Variants in TSPAN33 observed in about 807,000 individuals in gnomAD.
The protein encoded by TSPAN33 is tetraspanin-33.
Under a neutral mutation model 34.8 loss-of-function variants are expected in TSPAN33, and 27 were observed. The observed-to-expected ratio is 0.78, with a 90% CI of 0.57 to 1.07. The LOEUF is 1.07. Ranked by LOEUF, TSPAN33 falls within the 50% of genes least tolerant of loss-of-function variation. The pLI is 0.00. For missense variants in TSPAN33, 272 were observed against 324.9 expected, an observed-to-expected ratio of 0.84 and a Z score of 1.25; for synonymous variants, 119 against 124.2, an observed-to-expected ratio of 0.96 and a Z score of 0.28.
intron 1 of TSPAN33, among the ~76,000 whole-genome samples, chr7:129,146,844 C>T (rs528438586): frequency 2.6e-5 from 4 of 152,238 alleles, no homozygotes; most frequent in South Asian, 2.1e-4. Flanking sequence ...CTTTATCTGC[C>T]GAGACTGTCT....
In TSPAN33 at chr7:129,159,344, C is replaced by T. The variant is rs192243009; in HGVS notation, c.103-2335C>T. On this transcript the variant is annotated intron_variant, in intron 1 of 7. Coordinates refer to ENST00000486685, the MANE Select transcript of TSPAN33 (RefSeq NM_178562.5). ...TGCTGGGATTATAGGCGTGAGCCAC[C>T]GTGTTTGGCCTGACCCCACATTTTC... Among the ~76,000 whole-genome samples the T allele has an allele frequency of 1.3e-4, 20 of 152,320 alleles. No individual in the cohort carries two copies. The South Asian group carries it at 3.5e-3, about 27-fold the overall frequency.
intron 2 of TSPAN33, among the ~76,000 whole-genome samples, chr7:129,162,145 C>G (rs1345600504): frequency 6.6e-6 from 1 of 152,262 alleles, no homozygotes; most frequent in Non-Finnish European, 1.5e-5. Context: ...GGAGCGAAAG[C>G]AGCCCCTCCT....
chr7:129,163,021 A>G, intron 4 of TSPAN33, 114 bp downstream of exon 4: 1 of 1,011,702 alleles, frequency 9.9e-7, no homozygotes, highest in Non-Finnish European at 1.5e-6. Context: ...GAGAAACATC[A>G]GTCGTTGAAA....
At position 129,148,392 on chromosome 7, in the gene TSPAN33, C is replaced by T. The variant is rs576310427; in HGVS notation, c.102+3310C>T. ...TCCGTCTCCCCCTCTAGACTTCGGG[C>T]TCTCGAGGGTGGGCACGGCCCTATT... On this transcript the variant is annotated intron_variant, in intron 1 of 7. Transcript: ENST00000486685. This position sits in a 1 kb window ranked among gnomAD's most constrained non-coding sequence, Gnocchi z 4.2. Among the ~76,000 whole-genome samples, 1 of 152,330 alleles carries T rather than the reference C, an allele frequency of 6.6e-6. No individual in the cohort carries two copies. The highest frequency in any genetic ancestry group is 2.1e-4 in the South Asian group (1 of 4,824).
chr7:129,150,054 G>T (rs896759999), intron 1 of TSPAN33, among the ~76,000 whole-genome samples: 4 of 152,194 alleles, frequency 2.6e-5, no homozygotes, highest in Admixed American at 1.3e-4. Flanking sequence ...GCAGGGACAG[G>T]GTTTTGATTG....
intron 1 of TSPAN33, among the ~76,000 whole-genome samples, chr7:129,147,437 T>C (rs1260604067): frequency 6.6e-6 from 1 of 152,216 alleles, no homozygotes; most frequent in Non-Finnish European, 1.5e-5. Context: ...TCAGGTGTTA[T>C]TGAATGTCCC....
chr7:129,163,247 T>A (rs1179853422), intron 4 of TSPAN33, among the ~76,000 whole-genome samples: 1 of 152,086 alleles, frequency 6.6e-6, no homozygotes, highest in Non-Finnish European at 1.5e-5. Flanking sequence ...CTCTTATTTC[T>A]TTTAAAAATT....
intron 4 of TSPAN33, 93 bp downstream of exon 4, chr7:129,163,000 C>A: frequency 8.4e-7 from 1 of 1,195,032 alleles, no homozygotes; most frequent in Non-Finnish European, 1.2e-6. Flanking sequence ...TTAACCACAG[C>A]TCCTTCCCCT....
chr7:129,153,766 C>T (rs1479787566), intron 1 of TSPAN33, among the ~76,000 whole-genome samples: 1 of 150,052 alleles, frequency 6.7e-6, no homozygotes. Flanking sequence ...TATGGTGAAA[C>T]CCTGTCTCTA....
intron 1 of TSPAN33, among the ~76,000 whole-genome samples, chr7:129,147,512 C>A (rs1810536856): frequency 6.6e-6 from 1 of 152,188 alleles, no homozygotes; most frequent in African/African-American, 2.4e-5. Flanking sequence ...GAAAATGCTG[C>A]CTCCCCAGAT....
intron 1 of TSPAN33, among the ~76,000 whole-genome samples, chr7:129,158,037 G>A (rs766691945): frequency 6.6e-6 from 1 of 152,162 alleles, no homozygotes; most frequent in Non-Finnish European, 1.5e-5. Flanking sequence ...GGAAGAGCTC[G>A]CCTCCTTGCC....
intron 1 of TSPAN33, among the ~76,000 whole-genome samples, chr7:129,154,657 C>T (rs1810643926): frequency 6.6e-6 from 1 of 152,184 alleles, no homozygotes; most frequent in Admixed American, 6.5e-5. Flanking sequence ...AGGAGAATCG[C>T]TTGAACCTGG....
rs1383108126 is a variant in TSPAN33 at position 129,144,818 on chromosome 7, T to A, written c.-163T>A. On this transcript the variant is annotated 5_prime_UTR_variant, in exon 1 of 8. Coordinates refer to ENST00000486685, the MANE Select transcript of TSPAN33 (RefSeq NM_178562.5). ...GGCGCGGTTCCCCGGCCCGCGCCGC[T>A]CCCGGCCCCCCGGCTCGGGCGCCTC... 3 of 146,118 alleles carry A rather than the reference T, an allele frequency of 2.1e-5. No individual in the cohort carries two copies. The highest frequency in any genetic ancestry group is 6.8e-5 in the Admixed American group (1 of 14,774). 9.1% of individuals were successfully genotyped at this position (146,118 alleles called of 1,614,324 possible).
At chr7:129,164,662 TA>T (rs1793109807) in intron 5 of TSPAN33, 93 bp downstream of exon 5, 1 of 1,185,034 alleles carries the variant, frequency 8.4e-7, no homozygotes, top group African/African-American at 1.5e-5. Context: ...GGCTCTTCAT[TA>T]CCTGCCAGGT....
intron 1 of TSPAN33, among the ~76,000 whole-genome samples, chr7:129,146,728 A>T (rs1173602783): frequency 6.6e-6 from 1 of 152,214 alleles, no homozygotes; most frequent in Non-Finnish European, 1.5e-5. Flanking sequence ...CTTAGGGGCA[A>T]GTATCAGTGA....
At chr7:129,163,013 GA>G in intron 4 of TSPAN33, 106 bp downstream of exon 4, 1 of 1,067,372 alleles carries the variant, frequency 9.4e-7, no homozygotes, top group Non-Finnish European at 1.4e-6. Flanking sequence ...CTTCCCCTGA[GA>G]AACATCAGTC....
intron 2 of TSPAN33, 28 bp from the exon 3 acceptor site, chr7:129,162,366 T>C (rs746954117): frequency 1.2e-6 from 2 of 1,608,396 alleles, no homozygotes; most frequent in Non-Finnish European, 1.7e-6. Flanking sequence ...GGCACCAGGC[T>C]CAGGCTGAGG....
chr7:129,151,301 T>C (rs1418269235), intron 1 of TSPAN33, among the ~76,000 whole-genome samples: 1 of 151,994 alleles, frequency 6.6e-6, no homozygotes, highest in Admixed American at 6.6e-5. Flanking sequence ...TAATTTTTTT[T>C]TAGAGACTGG....
intron 1 of TSPAN33, 119 bp downstream of exon 1, chr7:129,145,201 T>C (rs1810502370): frequency 4.4e-6 from 2 of 455,180 alleles, no homozygotes; most frequent in East Asian, 7.4e-5. Flanking sequence ...GACGGCACTT[T>C]GGGGGAATTT....
Sources: gnomAD v4.1 joint callset for allele counts (sites outside exome capture counted in the v4.1 genomes callset) on GRCh38, gnomAD v4.1.1 for gene constraint, Gnocchi (gnomAD v3.1) non-coding constraint, MANE v1.5 for transcripts, NCBI Gene and HGNC (gene_info 2026-07-23, HGNC 2026-07-21) for gene names.